The following NRG1 variants were observed in gnomAD, a reference collection of about 807,000 sequenced individuals.
NRG1 encodes pro-neuregulin-1, membrane-bound isoform.
In NRG1, 18 loss-of-function variants were observed where a neutral mutation model predicts 63.8. The ratio of observed to expected loss-of-function variants is 0.28; its 90% CI spans 0.19 to 0.42. NRG1 has a LOEUF of 0.42. Among genes scored for constraint, NRG1 ranks in the 10% least tolerant of loss-of-function variants. The pLI is 1.00. For synonymous variants in NRG1, 302 were observed against 301.3 expected (o/e 1.00, Z -0.02); for missense variants, 762 against 814.7 (o/e 0.94, Z 0.79).
chr8:32,330,208 T>C (rs879740833), intron 1 of NRG1, among the ~76,000 whole-genome samples: 20 of 152,136 alleles, frequency 1.3e-4, no homozygotes, highest in Non-Finnish European at 7.3e-5. Flanking sequence ...TTCTAGGTCT[T>C]TCCTGTCAGG....
chr8:32,638,830 G>A (rs1341826436), intron 5 of NRG1, among the ~76,000 whole-genome samples: 1 of 152,244 alleles, frequency 6.6e-6, no homozygotes, highest in East Asian at 1.9e-4. Context: ...AAAGCAGCAG[G>A]AAAAGGAGAT....
At chr8:31,849,950 GAAGAT>G (rs1267495745) in intron 1 of NRG1, among the ~76,000 whole-genome samples, 1 of 152,152 alleles carries the variant, frequency 6.6e-6, no homozygotes, top group African/African-American at 2.4e-5. Flanking sequence ...AAAGTGTAAT[GAAGAT>G]AAGATAAATT....
chr8:32,436,956 C>T (rs1334174212), intron 1 of NRG1, among the ~76,000 whole-genome samples: 1 of 151,984 alleles, frequency 6.6e-6, no homozygotes, highest in East Asian at 1.9e-4. Context: ...ATACTCAGCA[C>T]CAATCCCCAT....
chr8:32,534,945 A>G (rs1043134682), intron 1 of NRG1, among the ~76,000 whole-genome samples: 3 of 152,188 alleles, frequency 2.0e-5, no homozygotes, highest in African/African-American at 7.2e-5. Flanking sequence ...ACACACTGCA[A>G]TTTTCCCTGA....
At chr8:32,644,488 G>T (rs1853068910) in intron 5 of NRG1, among the ~76,000 whole-genome samples, 3 of 152,164 alleles carry the variant, frequency 2.0e-5, no homozygotes, top group Admixed American at 2.0e-4. Context: ...AACTAATGGA[G>T]AATTCTTTTA....
chr8:32,183,027 T>C (rs1356315414), intron 1 of NRG1, among the ~76,000 whole-genome samples: 1 of 152,230 alleles, frequency 6.6e-6, no homozygotes, highest in Non-Finnish European at 1.5e-5. Context: ...AAAAGAATTA[T>C]AATTATCAAC....
At position 32,665,909 on chromosome 8, in the gene NRG1, T is replaced by A. The variant is rs537405354; in HGVS notation, c.502+49024T>A. ...AAAACAATGTATGAAAAGAAAAAAA[T>A]TAGTAGGCTATTTTAATATAATTAG... On this transcript the variant is annotated intron_variant, in intron 5 of 11. Coordinates refer to ENST00000356819, the Ensembl canonical transcript of NRG1. 2.1e-4 allele frequency among the ~76,000 whole-genome samples: 32 copies of A among 152,230 alleles called. No individual in the cohort carries two copies. In the Middle Eastern group the frequency reaches 0.01, roughly 49 times the overall value.
At chr8:32,061,578 A>T (rs200499774) in intron 1 of NRG1, 1 of 151,988 alleles carries the variant, frequency 6.6e-6, no homozygotes, top group East Asian at 1.9e-4. Flanking sequence ...ATGCCCTTTC[A>T]CTGGTGATGT....
At chr8:32,347,886 T>G (rs1325354364) in intron 1 of NRG1, among the ~76,000 whole-genome samples, 1 of 152,184 alleles carries the variant, frequency 6.6e-6, no homozygotes, top group African/African-American at 2.4e-5. Flanking sequence ...AACAAAAACT[T>G]GAAACTCAAT....
At chr8:31,769,715 G>T (rs1341921359) in intron 1 of NRG1, among the ~76,000 whole-genome samples, 1 of 152,172 alleles carries the variant, frequency 6.6e-6, no homozygotes, top group African/African-American at 2.4e-5. Context: ...TATAATAGTT[G>T]TCTCCTGTGA....
At chr8:32,394,192 T>C (rs1264027517) in intron 1 of NRG1, among the ~76,000 whole-genome samples, 1 of 152,208 alleles carries the variant, frequency 6.6e-6, no homozygotes, top group Non-Finnish European at 1.5e-5. Context: ...ATCTCTCACC[T>C]TTATCTTTAC....
chr8:32,595,956 T>C (rs771360857), exon 2 of NRG1: 7 of 1,613,786 alleles, frequency 4.3e-6, no homozygotes, highest in Non-Finnish European at 5.1e-6. Context: ...TGGGAATGAA[T>C]TGAATCGAAA....
intron 1 of NRG1, among the ~76,000 whole-genome samples, chr8:31,653,679 GATAA>G (rs1294202339): frequency 6.6e-6 from 1 of 152,212 alleles, no homozygotes; most frequent in Non-Finnish European, 1.5e-5. Context: ...GTGTGTTGTA[GATAA>G]ATAGTGTATT....
At position 31,640,842 on chromosome 8, in the gene NRG1, A is replaced by G. The variant is rs1364622990; in HGVS notation, c.37+1411A>G. ...GCAAGGCAGAGGCGCTCTGGGTCCC[A>G]GTTGTTGGTTTCAGGGTGGTGGGTT... On this transcript the variant is annotated intron_variant, in intron 1 of 10. Coordinates refer to the NRG1 transcript ENST00000519301. The surrounding 1 kb of genome is among the most constrained non-coding windows in gnomAD (Gnocchi z 6.3). 2 of 1,404,520 alleles carry G rather than the reference A, an allele frequency of 1.4e-6. No homozygotes were observed. Among genetic ancestry groups the G allele is most frequent in the Non-Finnish European group, 1.8e-6 (2 of 1,082,290 alleles). The allele number at this position is 1,404,520 out of a possible 1,614,324, so 87.0% of individuals were successfully genotyped here. A position where few individuals can be genotyped will look rare whatever the true frequency, so the allele number is the denominator to read the frequency against.
intron 5 of NRG1, among the ~76,000 whole-genome samples, chr8:32,635,491 C>G (rs141771276): frequency 6.6e-6 from 1 of 152,154 alleles, no homozygotes; most frequent in Non-Finnish European, 1.5e-5. Context: ...GGCTGAATTA[C>G]AGTCATGCCA....
At chr8:32,078,817 C>T (rs779891160) in intron 1 of NRG1, among the ~76,000 whole-genome samples, 2 of 152,128 alleles carry the variant, frequency 1.3e-5, no homozygotes, top group Non-Finnish European at 2.9e-5. Flanking sequence ...ACTCCAGCTG[C>T]CCAAACCTGA....
At chr8:32,162,507 A>G (rs1462191964) in intron 1 of NRG1, among the ~76,000 whole-genome samples, 5 of 152,220 alleles carry the variant, frequency 3.3e-5, no homozygotes, top group African/African-American at 7.2e-5. Flanking sequence ...ATGAAAAATA[A>G]AAACCTCTAA....
chr8:32,128,011 A>G (rs543181969), intron 1 of NRG1, among the ~76,000 whole-genome samples: 1 of 152,048 alleles, frequency 6.6e-6, no homozygotes, highest in African/African-American at 2.4e-5. Context: ...TAAAGTACAT[A>G]TATTTTACCT....
intron 5 of NRG1, among the ~76,000 whole-genome samples, chr8:32,681,038 A>G (rs1464149327): frequency 6.6e-6 from 1 of 152,178 alleles, no homozygotes; most frequent in Non-Finnish European, 1.5e-5. Flanking sequence ...TTGCAAAGCC[A>G]GTTCTCTTTC....
Sources: allele counts gnomAD v4.1 joint callset (sites outside exome capture counted in the v4.1 genomes callset), GRCh38; gene constraint gnomAD v4.1.1; non-coding constraint Gnocchi (gnomAD v3.1); transcripts MANE v1.5; gene names NCBI Gene and HGNC (gene_info 2026-07-23, HGNC 2026-07-21).